The following GRIP1 variants were observed in gnomAD, a reference collection of about 807,000 sequenced individuals.
GRIP1 encodes the protein glutamate receptor-interacting protein 1.
GRIP1 carries 45 observed loss-of-function variants against 129.9 expected under a neutral mutation model. That is an observed-to-expected ratio of 0.35 (90% CI 0.27 to 0.44). The LOEUF is 0.44. Ranked by LOEUF, GRIP1 falls within the 20% of genes least tolerant of loss-of-function variation. The pLI is 1.00. For missense variants in GRIP1, 1,196 were observed against 1,396.8 expected (o/e 0.86, Z 2.29); for synonymous variants, 530 against 520.8 (o/e 1.02, Z -0.24).
At chr12:66,426,115 G>A (rs1479253143) in intron 14 of GRIP1, among the ~76,000 whole-genome samples, 1 of 152,140 alleles carries the variant, frequency 6.6e-6, no homozygotes, top group Admixed American at 6.5e-5. Context: ...TTCGTCCAGT[G>A]TTCTCAGATC....
chr12:66,808,390 C>G (rs928563319), upstream of GRIP1, among the ~76,000 whole-genome samples: 2 of 152,040 alleles, frequency 1.3e-5, no homozygotes, highest in African/African-American at 4.8e-5. Flanking sequence ...CTCTTCCTCC[C>G]AGGTTCAAGC....
intron 2 of GRIP1, among the ~76,000 whole-genome samples, chr12:66,551,194 T>C (rs536196823): frequency 2.0e-5 from 3 of 152,368 alleles, no homozygotes; most frequent in South Asian, 2.1e-4. Context: ...TGCCAGACTC[T>C]GTGGTAGAGG....
intron 2 of GRIP1, among the ~76,000 whole-genome samples, chr12:66,581,711 G>A (rs1241609419): frequency 6.6e-6 from 1 of 152,072 alleles, no homozygotes; most frequent in South Asian, 2.1e-4. Context: ...CCAGGAAGAA[G>A]TTGAATCTCT....
intron 23 of GRIP1, among the ~76,000 whole-genome samples, chr12:66,360,697 C>G (rs1466380905): frequency 1.3e-5 from 2 of 152,200 alleles, no homozygotes; most frequent in Non-Finnish European, 2.9e-5. Context: ...AGCAAGTCTA[C>G]CGACATGTTT....
At chr12:66,761,139 C>T (rs2037462272) in intron 1 of GRIP1, among the ~76,000 whole-genome samples, 1 of 151,918 alleles carries the variant, frequency 6.6e-6, no homozygotes, top group Non-Finnish European at 1.5e-5. Context: ...CTCTCCCTAC[C>T]CCTTCCTGCT....
chr12:66,921,637 GAACATTATACTAAGTTA>G (rs1282354562), intron 1 of GRIP1, among the ~76,000 whole-genome samples: 1 of 152,184 alleles, frequency 6.6e-6, no homozygotes. Context: ...ACTGGGGGTA[GAACATTATACTAAGTTA>G]AACATGAACT....
chr12:66,526,740 G>C (rs1369279809), intron 5 of GRIP1, among the ~76,000 whole-genome samples: 18 of 151,858 alleles, frequency 1.2e-4, no homozygotes, highest in African/African-American at 3.1e-4. Context: ...GAGTGAACAG[G>C]CAACCTACAG....
At chr12:66,363,988 C>T (rs943350559) in intron 23 of GRIP1, among the ~76,000 whole-genome samples, 36 of 152,048 alleles carry the variant, frequency 2.4e-4, no homozygotes, top group African/African-American at 8.0e-4. Flanking sequence ...CATGGTGGCT[C>T]ATGCCTATAA....
At chr12:66,488,565 T>C (rs1434494532) in intron 7 of GRIP1, among the ~76,000 whole-genome samples, 2 of 152,024 alleles carry the variant, frequency 1.3e-5, no homozygotes, top group Non-Finnish European at 2.9e-5. Flanking sequence ...ACTAAAGAAC[T>C]AGAGAACCAA....
At chr12:66,550,169 T>C (rs1054611728) in intron 2 of GRIP1, among the ~76,000 whole-genome samples, 1 of 152,156 alleles carries the variant, frequency 6.6e-6, no homozygotes, top group African/African-American at 2.4e-5. Flanking sequence ...AGCTTTCCAA[T>C]GTCAAACTTA....
At chr12:66,505,482 A>T (rs1479061997) in intron 7 of GRIP1, among the ~76,000 whole-genome samples, 1 of 152,162 alleles carries the variant, frequency 6.6e-6, no homozygotes, top group Non-Finnish European at 1.5e-5. Context: ...GCCTTGTGAG[A>T]TCCTAAGCAA....
intron 23 of GRIP1, among the ~76,000 whole-genome samples, chr12:66,362,741 G>A (rs1288289681): frequency 6.6e-6 from 1 of 151,816 alleles, no homozygotes; most frequent in East Asian, 1.9e-4. Context: ...CTGAAGAGAG[G>A]TGGTGGTGGG....
intron 7 of GRIP1, among the ~76,000 whole-genome samples, chr12:66,478,676 C>T (rs71450898): frequency 6.6e-6 from 1 of 150,666 alleles, no homozygotes; most frequent in African/African-American, 2.4e-5. Flanking sequence ...GGCACATATA[C>T]ACCATGGAAT....
intron 2 of GRIP1, among the ~76,000 whole-genome samples, chr12:66,590,062 T>G (rs12819736): frequency 0.23 from 34,634 of 151,986 alleles, 4,225 homozygotes; most frequent in Admixed American, 0.27. Flanking sequence ...TATGGACATA[T>G]CCTCAGTCGG....
At chr12:66,942,730 T>A (rs1280624777) in intron 1 of GRIP1, among the ~76,000 whole-genome samples, 1 of 152,166 alleles carries the variant, frequency 6.6e-6, no homozygotes, top group African/African-American at 2.4e-5. Context: ...CATGTTTGTG[T>A]CCCCTCAAAA....
intron 1 of GRIP1, among the ~76,000 whole-genome samples, chr12:66,674,149 G>A (rs74460064): frequency 0.013 from 1,994 of 152,248 alleles, 55 homozygotes; most frequent in African/African-American, 0.046. Flanking sequence ...GAGAAATGAG[G>A]TCCAGCACAG....
intron 1 of GRIP1, among the ~76,000 whole-genome samples, chr12:66,985,193 A>G (rs940906484): frequency 3.9e-5 from 6 of 152,232 alleles, no homozygotes; most frequent in Non-Finnish European, 8.8e-5. Context: ...GCCACATAGT[A>G]TCACTTCCAA....
chr12:66,637,822 A>C (rs1386503309), intron 1 of GRIP1, among the ~76,000 whole-genome samples: 2 of 152,212 alleles, frequency 1.3e-5, no homozygotes, highest in Non-Finnish European at 2.9e-5. Flanking sequence ...ATAAATAAAC[A>C]GAGTGTAAAA....
chr12:66,863,826 T>C (rs796221300), intron 1 of GRIP1, among the ~76,000 whole-genome samples: 4 of 152,238 alleles, frequency 2.6e-5, no homozygotes, highest in African/African-American at 9.6e-5. Flanking sequence ...TAACTACTGC[T>C]ACAAAAAGCT....
Sources: allele counts gnomAD v4.1 joint callset (sites outside exome capture counted in the v4.1 genomes callset), GRCh38; gene constraint gnomAD v4.1.1; transcripts MANE v1.5; gene names NCBI Gene and HGNC (gene_info 2026-07-23, HGNC 2026-07-21).